Variants in SAMD8 observed in about 807,000 individuals in gnomAD.
The protein encoded by SAMD8 is sterile alpha motif domain containing 8.
A neutral mutation model predicts 42.0 loss-of-function variants in SAMD8; 20 were observed. The observed-to-expected ratio is 0.48, with a 90% CI of 0.34 to 0.69. The LOEUF (loss-of-function observed/expected upper bound fraction) is 0.69. SAMD8 is among the 30% of genes least tolerant of loss of function. The pLI, the probability that SAMD8 is intolerant of heterozygous loss-of-function variation, is 0.01. For synonymous variants in SAMD8, 162 were observed against 173.0 expected (o/e 0.94, Z 0.50); for missense variants, 328 against 511.6 (o/e 0.64, Z 3.46).
intron 1 of SAMD8, among the ~76,000 whole-genome samples, chr10:75,112,960 C>G (rs1185845346): frequency 2.6e-5 from 4 of 152,124 alleles, no homozygotes; most frequent in Non-Finnish European, 5.9e-5. Context: ...CACTGATAAC[C>G]CCAGGATTGG....
chr10:75,123,755 A>G (rs1849060326), intron 1 of SAMD8, among the ~76,000 whole-genome samples: 1 of 150,988 alleles, frequency 6.6e-6, no homozygotes, highest in African/African-American at 2.4e-5. Flanking sequence ...CAGTGGCATG[A>G]TCTCGGCTCA....
chr10:75,131,724 TC>T (rs990219455), intron 1 of SAMD8, among the ~76,000 whole-genome samples: 1 of 152,182 alleles, frequency 6.6e-6, no homozygotes, highest in Admixed American at 6.5e-5. Flanking sequence ...CATTATTAAC[TC>T]ATCCTTTAGC....
chr10:75,143,162 C>T (rs1840060462), intron 1 of SAMD8, among the ~76,000 whole-genome samples: 2 of 152,100 alleles, frequency 1.3e-5, no homozygotes, highest in African/African-American at 4.8e-5. Flanking sequence ...CAAAAATTAG[C>T]CTGGTGCAGT....
intron 1 of SAMD8, among the ~76,000 whole-genome samples, chr10:75,134,138 G>A (rs1849332406): frequency 6.6e-6 from 1 of 152,124 alleles, no homozygotes; most frequent in African/African-American, 2.4e-5. Flanking sequence ...AACAGTGAGA[G>A]CACATGTACA....
chr10:75,168,673 T>TTC lies in SAMD8; in HGVS notation c.792+15_792+16insTC. 1 of 1,511,184 alleles carries TTC rather than the reference T, an allele frequency of 6.6e-7. No homozygotes were observed. Among genetic ancestry groups the TTC allele is most frequent in the Non-Finnish European group, 9.2e-7 (1 of 1,086,370 alleles). 93.6% of individuals were successfully genotyped at this position (1,511,184 alleles called of 1,614,324 possible). A position where few individuals can be genotyped will look rare whatever the true frequency, so the allele number is the denominator to read the frequency against. On this transcript the variant is annotated intron_variant, in intron 4 of 5. Coordinates refer to ENST00000542569, the MANE Select transcript of SAMD8 (RefSeq NM_001174156.2). ...GTACTGGAAAGGTAGCCTGCTACCT[T>TTC]CTTTATCATTCTTGTTTTTGGTGGG... is the stretch of plus-strand genomic sequence containing the variant.
At chr10:75,109,073 G>T (rs749493863), upstream of SAMD8, 36 of 1,611,822 alleles carry the variant, frequency 2.2e-5, no homozygotes, top group African/African-American at 5.4e-5. Context: ...TTCCCTGCCC[G>T]CAGGAGCTCC....
chr10:75,111,441 C>CCCCCTGCCGGTAGAACCCCGT (rs1848764698), upstream of SAMD8: 3 of 1,101,422 alleles, frequency 2.7e-6, no homozygotes, highest in South Asian at 9.4e-5. Flanking sequence ...GTGGGCCCCG[C>CCCCCTGCCGGTAGAACCCCGT]CCCCTGCCGG....
intron 1 of SAMD8, among the ~76,000 whole-genome samples, chr10:75,139,035 A>G (rs1447557603): frequency 6.8e-6 from 1 of 147,296 alleles, no homozygotes; most frequent in East Asian, 2.0e-4. Context: ...AACTCAGTTC[A>G]CTGCCACCTC....
intron 1 of SAMD8, 99 bp downstream of exon 1, chr10:75,111,821 C>T (rs1208881979): frequency 1.6e-6 from 2 of 1,221,728 alleles, no homozygotes; most frequent in Non-Finnish European, 2.0e-6. Flanking sequence ...TGCCGAGGGA[C>T]CGCGACCTGG....
chr10:75,141,043 A>G (rs918725736), intron 1 of SAMD8, among the ~76,000 whole-genome samples: 1 of 152,144 alleles, frequency 6.6e-6, no homozygotes, highest in Non-Finnish European at 1.5e-5. Flanking sequence ...TGTTGCTAGT[A>G]TATGGAAATA....
chr10:75,167,453 C>G (rs1043106904), intron 3 of SAMD8, among the ~76,000 whole-genome samples: 16 of 152,010 alleles, frequency 1.1e-4, no homozygotes, highest in African/African-American at 3.9e-4. Context: ...CCAGGCTGGT[C>G]TCAAGCGATC....
In SAMD8 at chr10:75,176,274, TG is replaced by T; in HGVS notation, c.943+61del. 6.2e-7 allele frequency: 1 copy of T among 1,613,296 alleles called. No homozygotes were observed. The highest frequency in any genetic ancestry group is 1.3e-5 in the African/African-American group (1 of 75,048). On this transcript the variant is annotated intron_variant, in intron 5 of 5. Coordinates refer to ENST00000542569, the MANE Select transcript of SAMD8 (RefSeq NM_001174156.2). This position sits in a 1 kb window ranked among gnomAD's most constrained non-coding sequence, Gnocchi z 4.3. Reference sequence around the variant, plus strand: ...AGGTAACTAGCTGCAGTGAAGGCTGTGGGAAGGGTGTCAGATCCTGTGAAGA... The same window carrying T: ...AGGTAACTAGCTGCAGTGAAGGCTGTGGAAGGGTGTCAGATCCTGTGAAGA...
Position 75,143,542 on chromosome 10 carries a change from C to T in SAMD8, c.-15-6972C>T, listed in dbSNP as rs182883641. Among the ~76,000 whole-genome samples the T allele has an allele frequency of 1.5e-3, 231 of 151,666 alleles. 1 individual carries two copies. The highest frequency in any genetic ancestry group is 5.5e-3 in the African/African-American group (226 of 41,356). On this transcript the variant is annotated intron_variant, in intron 1 of 5. Coordinates refer to ENST00000542569, the MANE Select transcript of SAMD8 (RefSeq NM_001174156.2). ...TGTGAATGATATTTCACTGGGCCTA[C>T]GGTTTTAGGTTGTTGTTTTTTTTTT...
At chr10:75,156,459 G>T (rs909584326) in intron 2 of SAMD8, among the ~76,000 whole-genome samples, 1 of 152,114 alleles carries the variant, frequency 6.6e-6, no homozygotes, top group Non-Finnish European at 1.5e-5. Flanking sequence ...CACATGATCT[G>T]AAAGTTTCAT....
intron 1 of SAMD8, among the ~76,000 whole-genome samples, chr10:75,139,260 C>T (rs1839963940): frequency 6.6e-6 from 1 of 152,090 alleles, no homozygotes; most frequent in South Asian, 2.1e-4. Context: ...TGGGTCACCA[C>T]CCATTAACAT....
intron 1 of SAMD8, among the ~76,000 whole-genome samples, chr10:75,141,762 C>T (rs892347933): frequency 1.1e-4 from 17 of 151,408 alleles, no homozygotes; most frequent in African/African-American, 3.9e-4. Context: ...AGGATGGTCT[C>T]GATCTCCTGA....
chr10:75,108,297 G>A (rs755746533), upstream of SAMD8: 6 of 1,503,158 alleles, frequency 4.0e-6, no homozygotes, highest in Admixed American at 4.5e-5. Flanking sequence ...CAGAGGGACC[G>A]AGCCATTAGG....
chr10:75,116,850 G>A (rs1848893241), intron 1 of SAMD8, among the ~76,000 whole-genome samples: 1 of 152,056 alleles, frequency 6.6e-6, no homozygotes, highest in Non-Finnish European at 1.5e-5. Flanking sequence ...TCACTTCGTT[G>A]CCGAAGCCTG....
chr10:75,165,997 AAGAAAG>A (rs1379776247), intron 3 of SAMD8, among the ~76,000 whole-genome samples: 204 of 151,728 alleles, frequency 1.3e-3, no homozygotes, highest in African/African-American at 4.4e-3. Flanking sequence ...AAAAAAAAAA[AAGAAAG>A]ATTATTTTGT....
Sources: allele counts gnomAD v4.1 joint callset (sites outside exome capture counted in the v4.1 genomes callset), GRCh38; gene constraint gnomAD v4.1.1; non-coding constraint Gnocchi (gnomAD v3.1); transcripts MANE v1.5; gene names NCBI Gene and HGNC (gene_info 2026-07-23, HGNC 2026-07-21).